Variants in ZMAT4 observed in about 807,000 individuals in gnomAD.
ZMAT4 encodes the protein zinc finger matrin-type protein 4.
A neutral mutation model predicts 28.7 loss-of-function variants in ZMAT4; 17 were observed. That is an observed-to-expected ratio of 0.59 (90% confidence interval 0.41 to 0.89). ZMAT4 has a LOEUF of 0.89. Among genes scored for constraint, ZMAT4 ranks in the 40% least tolerant of loss-of-function variants. The pLI, the probability that ZMAT4 is intolerant of heterozygous loss-of-function variation, is 0.00. For missense variants in ZMAT4, 240 were observed against 283.8 expected (o/e 0.85, Z 1.11); for synonymous variants, 117 against 109.2 (o/e 1.07, Z -0.44).
chr8:40,581,372 T>C, intron 5 of ZMAT4, 111 bp from the exon 6 acceptor site: 1 of 803,030 alleles, frequency 1.2e-6, no homozygotes, highest in Non-Finnish European at 2.1e-6. Flanking sequence ...ACTCCTGATC[T>C]ACCCCACCAA....
chr8:40,749,100 G>A (rs959981132), intron 3 of ZMAT4, among the ~76,000 whole-genome samples: 7 of 152,088 alleles, frequency 4.6e-5, no homozygotes, highest in African/African-American at 1.7e-4. Context: ...CCATGATTGT[G>A]AGGCCTCCCC....
At chr8:40,819,280 C>G (rs1815657001) in intron 2 of ZMAT4, among the ~76,000 whole-genome samples, 1 of 152,190 alleles carries the variant, frequency 6.6e-6, no homozygotes. Context: ...TGTTTGAAAA[C>G]TTTCCCACTG....
chr8:40,881,464 A>AAAGT (rs1439579986), intron 1 of ZMAT4, among the ~76,000 whole-genome samples: 63 of 146,958 alleles, frequency 4.3e-4, no homozygotes, highest in African/African-American at 1.5e-3. Context: ...AGAAAGAAAG[A>AAAGT]AAGAAAGAAA....
At chr8:40,599,581 T>C (rs1380187675) in intron 5 of ZMAT4, among the ~76,000 whole-genome samples, 2 of 152,336 alleles carry the variant, frequency 1.3e-5, no homozygotes, top group Admixed American at 1.3e-4. Context: ...GAGGAACACA[T>C]TACCTGATGA....
chr8:40,603,853 A>G (rs1317137771), intron 5 of ZMAT4, among the ~76,000 whole-genome samples: 1 of 152,086 alleles, frequency 6.6e-6, no homozygotes, highest in African/African-American at 2.4e-5. Flanking sequence ...GATGGTCTCA[A>G]TCTCCTGATC....
chr8:40,782,645 A>C (rs1813887741), intron 2 of ZMAT4, among the ~76,000 whole-genome samples: 1 of 152,172 alleles, frequency 6.6e-6, no homozygotes. Context: ...AAACTATTGC[A>C]AGAAGGGAAG....
chr8:40,817,864 C>T (rs1158833164), intron 2 of ZMAT4, among the ~76,000 whole-genome samples: 1 of 152,206 alleles, frequency 6.6e-6, no homozygotes, highest in Non-Finnish European at 1.5e-5. Context: ...AGAGATGATG[C>T]TATGTGTTTG....
rs117495177 is a variant in ZMAT4, at chr8:40,655,219, G to A, written c.577+19485C>T. ...TAAAATTAAGATAACAATTCCACTT[G>A]CAATTGTGTAAAAAAATTAGGAATA... On this transcript the variant is annotated intron_variant, in intron 5 of 6. Coordinates refer to ENST00000297737, the MANE Select transcript of ZMAT4 (RefSeq NM_024645.3). Among the ~76,000 whole-genome samples, 75 of 152,054 alleles carry A rather than the reference G, an allele frequency of 4.9e-4. No individual in the cohort carries two copies. In the East Asian group the frequency reaches 0.014, roughly 29 times the overall value.
intron 5 of ZMAT4, among the ~76,000 whole-genome samples, chr8:40,597,734 CT>C (rs1805151982): frequency 6.6e-6 from 1 of 152,028 alleles, no homozygotes; most frequent in African/African-American, 2.4e-5. Context: ...CATATAGGTG[CT>C]CAAAAAATGT....
At chr8:40,558,748 A>G (rs188486167) in intron 6 of ZMAT4, among the ~76,000 whole-genome samples, 57 of 152,244 alleles carry the variant, frequency 3.7e-4, no homozygotes, top group Non-Finnish European at 6.8e-4. Flanking sequence ...AAGGCCCCCA[A>G]CTGACTGAAC....
intron 5 of ZMAT4, among the ~76,000 whole-genome samples, chr8:40,600,480 C>A (rs1256924781): frequency 6.6e-6 from 1 of 152,212 alleles, no homozygotes; most frequent in African/African-American, 2.4e-5. Context: ...AGCCTTCTTA[C>A]TCCTTCTCTG....
chr8:40,856,993 A>G (rs1178044959), intron 1 of ZMAT4, among the ~76,000 whole-genome samples: 2 of 152,144 alleles, frequency 1.3e-5, no homozygotes, highest in Non-Finnish European at 1.5e-5. Flanking sequence ...AGTCATAAAT[A>G]ATTAAAGGTT....
chr8:40,624,408 G>A (rs1056667859), intron 5 of ZMAT4, among the ~76,000 whole-genome samples: 3 of 152,172 alleles, frequency 2.0e-5, no homozygotes, highest in African/African-American at 4.8e-5. Flanking sequence ...CTCCAGGACC[G>A]TCAGAAAATA....
intron 5 of ZMAT4, among the ~76,000 whole-genome samples, chr8:40,642,052 C>G (rs901546243): frequency 6.6e-6 from 1 of 152,132 alleles, no homozygotes; most frequent in East Asian, 1.9e-4. Context: ...AAAAAGTTGG[C>G]AGGTCATTAA....
chr8:40,859,489 C>A (rs752906431), intron 1 of ZMAT4, among the ~76,000 whole-genome samples: 4 of 152,162 alleles, frequency 2.6e-5, no homozygotes, highest in Non-Finnish European at 5.9e-5. Context: ...CACACACACA[C>A]CCCTTAAGGA....
At chr8:40,665,633 T>C (rs1808380282) in intron 5 of ZMAT4, among the ~76,000 whole-genome samples, 1 of 152,200 alleles carries the variant, frequency 6.6e-6, no homozygotes, top group Non-Finnish European at 1.5e-5. Flanking sequence ...GAGTTGGCTG[T>C]GCTTATTCTA....
At chr8:40,892,267 C>T (rs1818722074) in intron 1 of ZMAT4, among the ~76,000 whole-genome samples, 1 of 152,186 alleles carries the variant, frequency 6.6e-6, no homozygotes. Context: ...GATTAAGTAT[C>T]TCATTGCTCC....
chr8:40,820,717 A>ATATG (rs1815747976), intron 2 of ZMAT4, among the ~76,000 whole-genome samples: 1 of 782 alleles, frequency 1.3e-3, no homozygotes. Flanking sequence ...GTGTATGGGT[A>ATATG]CGTGTGTATG....
At chr8:40,634,047 T>G (rs1001348052) in intron 5 of ZMAT4, among the ~76,000 whole-genome samples, 28 of 152,134 alleles carry the variant, frequency 1.8e-4, no homozygotes, top group African/African-American at 6.3e-4. Context: ...CATGAACCAC[T>G]GCTGTCCACA....
Sources: allele counts gnomAD v4.1 joint callset (sites outside exome capture counted in the v4.1 genomes callset), GRCh38; gene constraint gnomAD v4.1.1; transcripts MANE v1.5; gene names NCBI Gene and HGNC (gene_info 2026-07-23, HGNC 2026-07-21).